PCDHA1: variants seen among roughly 807,000 people sequenced by gnomAD.
PCDHA1 encodes the protein protocadherin alpha-1.
A neutral mutation model predicts 61.3 loss-of-function variants in PCDHA1; 42 were observed. The observed-to-expected ratio is 0.69, with a 90% CI of 0.54 to 0.89. PCDHA1 has a LOEUF of 0.89. PCDHA1 is among the 40% of genes least tolerant of loss of function. The pLI, the probability that PCDHA1 is intolerant of heterozygous loss-of-function variation, is 0.00. For missense variants in PCDHA1, 1,256 were observed against 1,235.3 expected (o/e 1.02, Z -0.25); for synonymous variants, 610 against 553.8 (o/e 1.10, Z -1.43).
chr5:140,823,034 A>T (rs199730763), intron 1 of PCDHA1: 48 of 1,614,070 alleles, frequency 3.0e-5, no homozygotes, highest in Non-Finnish European at 8.5e-7. Context: ...GTGTCGGTCT[A>T]TGAGCTGGTG....
rs201694939 is a variant in PCDHA1, at chr5:140,830,233, G to A, written c.2394+41549G>A. 38 of 1,613,906 alleles carry A rather than the reference G, an allele frequency of 2.4e-5. No individual in the cohort carries two copies. In the Admixed American group the frequency reaches 4.8e-4, roughly 21 times the overall value. ...CGGTATCCAGCCTGCTGGTCCTCAC[G>A]CTACTGCTGTACACAGCGCTGCGGT... On this transcript the variant is annotated intron_variant, in intron 1 of 3. Transcript: ENST00000504120.
At chr5:140,955,990 T>C (rs246015) in intron 1 of PCDHA1, among the ~76,000 whole-genome samples, 48,106 of 152,064 alleles carry the variant, frequency 0.32, 7,958 homozygotes, top group East Asian at 0.53. Context: ...TTTTTGCACA[T>C]TGATTTTGTA....
chr5:140,884,183 G>A (rs201206731), intron 1 of PCDHA1: 1 of 1,613,424 alleles, frequency 6.2e-7, no homozygotes, highest in Non-Finnish European at 8.5e-7. Flanking sequence ...CCCTCTGGAC[G>A]AGGTGGACGC....
intron 1 of PCDHA1, among the ~76,000 whole-genome samples, chr5:140,978,595 G>A (rs2096811492): frequency 6.6e-6 from 1 of 152,214 alleles, no homozygotes; most frequent in African/African-American, 2.4e-5. Flanking sequence ...CCTTAATGGG[G>A]CACTTGAGGG....
At chr5:140,889,331 T>A (rs2153427061) in intron 1 of PCDHA1, among the ~76,000 whole-genome samples, 1 of 152,216 alleles carries the variant, frequency 6.6e-6, no homozygotes, top group Middle Eastern at 3.4e-3. Flanking sequence ...ATCAGGATTT[T>A]GATTGGTGGG....
chr5:140,932,346 A>G lies in PCDHA1; in HGVS notation c.2395-46603A>G, dbSNP rs529573484. 2.6e-5 allele frequency among the ~76,000 whole-genome samples: 4 copies of G among 152,072 alleles called. No homozygotes were observed. In the South Asian group the frequency reaches 6.2e-4, roughly 24 times the overall value. ...AGCAAAAATGCATGAAACACTTACCATACAACTGGCCTTATTAAATTTCCA... is the reference window on the plus strand; with the variant it reads ...AGCAAAAATGCATGAAACACTTACCGTACAACTGGCCTTATTAAATTTCCA... On this transcript the variant is annotated intron_variant, in intron 1 of 3. Coordinates refer to ENST00000504120, the MANE Select transcript of PCDHA1 (RefSeq NM_018900.4).
intron 1 of PCDHA1, chr5:140,797,482 A>G (rs1005972706): frequency 9.4e-7 from 1 of 1,063,438 alleles, no homozygotes; most frequent in Non-Finnish European, 1.4e-6. Flanking sequence ...GATTTTGAAT[A>G]TGAATTAGAG....
chr5:140,813,435 TA>T (rs1765294823), intron 1 of PCDHA1: 1 of 152,198 alleles, frequency 6.6e-6, no homozygotes, highest in South Asian at 2.1e-4. Flanking sequence ...CTGAATACTA[TA>T]GGGAATTGTA....
At chr5:140,801,587 G>C in intron 1 of PCDHA1, 1 of 1,614,210 alleles carries the variant, frequency 6.2e-7, no homozygotes, top group South Asian at 1.1e-5. Context: ...ATGACAACGC[G>C]CCAGTTTTTC....
At chr5:140,955,401 A>T (rs1202478496) in intron 1 of PCDHA1, among the ~76,000 whole-genome samples, 2 of 152,122 alleles carry the variant, frequency 1.3e-5, no homozygotes, top group African/African-American at 4.8e-5. Flanking sequence ...TATCCCATAC[A>T]GTTCTCATGA....
At chr5:140,871,376 G>GCT (rs782235924) in intron 1 of PCDHA1, 26 of 1,614,078 alleles carry the variant, frequency 1.6e-5, no homozygotes, top group South Asian at 1.4e-4. Flanking sequence ...CAGAGGGTGT[G>GCT]CTCTGAGGAG....
chr5:140,990,825 AAGCCTATTAGCAAAAATAG>A (rs2097418390), intron 3 of PCDHA1, among the ~76,000 whole-genome samples: 1 of 152,202 alleles, frequency 6.6e-6, no homozygotes, highest in Non-Finnish European at 1.5e-5. Flanking sequence ...CTCTCAGCTA[AAGCCTATTAGCAAAAATAG>A]AGCCCTGAGG....
rs782163071 is a variant in PCDHA1, at chr5:140,796,909, G to C, written c.2394+8225G>C. On this transcript the variant is annotated intron_variant, in intron 1 of 3. Coordinates refer to ENST00000504120, the MANE Select transcript of PCDHA1 (RefSeq NM_018900.4). ...TGACTCCCCTCGACACCGCCTACTC[G>C]TGCTGGTGAAGGACCACGGCGAACC... is the stretch of plus-strand genomic sequence containing the variant. 8 of 1,613,930 alleles carry C rather than the reference G, an allele frequency of 5.0e-6. No homozygotes were observed. The highest frequency in any genetic ancestry group is 4.5e-5 in the East Asian group (2 of 44,864).
At chr5:140,804,939 G>T in intron 1 of PCDHA1, 4 of 1,173,494 alleles carry the variant, frequency 3.4e-6, no homozygotes, top group South Asian at 2.0e-5. Flanking sequence ...ATCCTTTGTT[G>T]CTCCCTTGTC....
At chr5:140,904,280 G>A in intron 1 of PCDHA1, among the ~76,000 whole-genome samples, 1 of 151,848 alleles carries the variant, frequency 6.6e-6, no homozygotes, top group Non-Finnish European at 1.5e-5. Flanking sequence ...GAGAACATGT[G>A]GTGTTTGGTT....
chr5:140,940,790 A>G (rs1337945408), intron 1 of PCDHA1, among the ~76,000 whole-genome samples: 3 of 152,176 alleles, frequency 2.0e-5, no homozygotes, highest in African/African-American at 7.2e-5. Context: ...TATCCTGAAA[A>G]TGATATTTGC....
At chr5:140,792,202 C>T (rs1554118765) in intron 1 of PCDHA1, among the ~76,000 whole-genome samples, 1 of 152,128 alleles carries the variant, frequency 6.6e-6, no homozygotes, top group African/African-American at 2.4e-5. Flanking sequence ...GGCAGCATAA[C>T]TCCAGTTCCT....
intron 1 of PCDHA1, among the ~76,000 whole-genome samples, chr5:140,961,726 A>ACAAT (rs1470566144): frequency 1.4e-4 from 21 of 152,270 alleles, no homozygotes; most frequent in African/African-American, 4.8e-4. Flanking sequence ...GTGCTCATAA[A>ACAAT]CAATCACTTT....
chr5:140,880,327 T>C (rs2058305796), intron 1 of PCDHA1, among the ~76,000 whole-genome samples: 1 of 152,118 alleles, frequency 6.6e-6, no homozygotes, highest in African/African-American at 2.4e-5. Context: ...AATAAGATAC[T>C]AAAAATAAGA....
Sources: gnomAD v4.1 joint callset for allele counts (sites outside exome capture counted in the v4.1 genomes callset) on GRCh38, gnomAD v4.1.1 for gene constraint, MANE v1.5 for transcripts, NCBI Gene and HGNC (gene_info 2026-07-23, HGNC 2026-07-21) for gene names.